The following ZMYM2 variants were observed in gnomAD, a reference collection of about 807,000 sequenced individuals.
ZMYM2 encodes zinc finger MYM-type protein 2.
A neutral mutation model predicts 162.8 loss-of-function variants in ZMYM2; 56 were observed. The ratio of observed to expected loss-of-function variants is 0.34; its 90% CI spans 0.28 to 0.43. ZMYM2 has a LOEUF of 0.43. Among genes scored for constraint, ZMYM2 ranks in the 20% least tolerant of loss-of-function variants. The probability of loss-of-function intolerance (pLI) is 1.00; values close to 1 mark genes in which losing one functional copy is unlikely to be tolerated. For missense variants in ZMYM2, 1,275 were observed against 1,621.8 expected (o/e 0.79, Z 3.67); for synonymous variants, 510 against 541.6 (o/e 0.94, Z 0.81).
chr13:19,965,509 ATAGT>A (rs1955668950), intron 2 of ZMYM2, among the ~76,000 whole-genome samples: 1 of 152,224 alleles, frequency 6.6e-6, no homozygotes, highest in African/African-American at 2.4e-5. Context: ...TATATATTAG[ATAGT>A]CATAAAATAT....
intron 2 of ZMYM2, among the ~76,000 whole-genome samples, chr13:19,992,204 A>G (rs12870271): frequency 0.041 from 6,310 of 152,232 alleles, 189 homozygotes; most frequent in Non-Finnish European, 0.062. Flanking sequence ...AATTTTCAGA[A>G]AGATTTAATT....
the ZMYM2 span, among the ~76,000 whole-genome samples, chr13:19,942,037 A>C: frequency 6.6e-6 from 1 of 151,848 alleles, no homozygotes; most frequent in Non-Finnish European, 1.5e-5. Flanking sequence ...TAGCCCCTGC[A>C]CCTGGCCAAA....
chr13:19,988,929 G>A (rs764764138), intron 2 of ZMYM2, among the ~76,000 whole-genome samples: 5 of 152,100 alleles, frequency 3.3e-5, no homozygotes, highest in Middle Eastern at 3.4e-3. Flanking sequence ...ATCATCTTCC[G>A]CTAAGATGAC....
At chr13:19,872,725 G>A in the ZMYM2 span, among the ~76,000 whole-genome samples, 16,295 of 152,024 alleles carry the variant, frequency 0.11, 1,007 homozygotes, top group Middle Eastern at 0.14. Flanking sequence ...TAGACCAGGC[G>A]CGGTTGCTCA....
At chr13:19,901,576 C>A in the ZMYM2 span, among the ~76,000 whole-genome samples, 1 of 152,100 alleles carries the variant, frequency 6.6e-6, no homozygotes, top group African/African-American at 2.4e-5. Flanking sequence ...CCTCCGCCTC[C>A]CAGGTTCAAG....
chr13:19,924,328 C>T, the ZMYM2 span, among the ~76,000 whole-genome samples: 4 of 152,204 alleles, frequency 2.6e-5, no homozygotes, highest in East Asian at 7.7e-4. Flanking sequence ...ACGTTGGGAG[C>T]TGAAGCAGGT....
chr13:20,026,824 T>C lies in ZMYM2; in HGVS notation c.1735+62T>C. The C allele has an allele frequency of 2.0e-6, 3 of 1,485,650 alleles. No homozygotes were observed. In the South Asian group the frequency reaches 4.0e-5, roughly 20 times the overall value. The allele number at this position is 1,485,650 out of a possible 1,614,324, so 92.0% of individuals were successfully genotyped here. The stretch of plus-strand genomic sequence containing the variant: ...ACAACGTAATTAATTTTTGCATAAA[T>C]ACTCATTTGATGTTTTTATGCTTGT... On this transcript the variant is annotated intron_variant, in intron 8 of 24. Coordinates refer to ENST00000610343, the MANE Select transcript of ZMYM2 (RefSeq NM_197968.4).
intron 6 of ZMYM2, among the ~76,000 whole-genome samples, chr13:20,007,295 C>G (rs1380064733): frequency 6.6e-6 from 1 of 151,678 alleles, no homozygotes; most frequent in Non-Finnish European, 1.5e-5. Flanking sequence ...GCCACCACAC[C>G]CGGCTAATTT....
intron 12 of ZMYM2, among the ~76,000 whole-genome samples, chr13:20,042,377 A>G (rs756966152): frequency 2.0e-5 from 3 of 151,960 alleles, no homozygotes; most frequent in Non-Finnish European, 4.4e-5. Context: ...GCCTTATGAA[A>G]TTCTCGTAGT....
intron 14 of ZMYM2, among the ~76,000 whole-genome samples, chr13:20,056,552 T>C (rs1955811379): frequency 1.3e-5 from 2 of 152,106 alleles, no homozygotes; most frequent in Non-Finnish European, 2.9e-5. Context: ...GAAACCACCA[T>C]GGATAGACTC....
At chr13:19,872,785 G>T in the ZMYM2 span, among the ~76,000 whole-genome samples, 1 of 152,054 alleles carries the variant, frequency 6.6e-6, no homozygotes, top group Non-Finnish European at 1.5e-5. Flanking sequence ...GATCACTTGA[G>T]GCCAGGAGTT....
chr13:20,083,103 C>T lies in ZMYM2; in HGVS notation c.3820+71C>T, dbSNP rs1958014633. 4.2e-6 allele frequency: 6 copies of T among 1,439,614 alleles called. No individual in the cohort carries two copies. In the South Asian group the frequency reaches 6.0e-5, roughly 15 times the overall value. The allele number at this position is 1,439,614 out of a possible 1,614,324, so 89.2% of individuals were successfully genotyped here. A position where few individuals can be genotyped will look rare whatever the true frequency, so the allele number is the denominator to read the frequency against. ...TTGAGACAGAGTTTCACTCTTGTTG[C>T]CCAGGCTGGAGTGCAGTGGTGCAGT... On this transcript the variant is annotated intron_variant, in intron 23 of 24. Transcript: ENST00000610343.
rs71763618 is a variant in ZMYM2 at position 19,979,428 on chromosome 13, C to CT, written c.-10-13617dup. 3.4e-3 allele frequency among the ~76,000 whole-genome samples: 373 copies of CT among 110,832 alleles called. 3 individuals are homozygous for CT. Among genetic ancestry groups the CT allele is most frequent in the African/African-American group, 0.01 (305 of 30,006 alleles). The allele number at this position is 110,832 out of a possible 152,430, so 72.7% of individuals were successfully genotyped here. On this transcript the variant is annotated intron_variant, in intron 2 of 24. Coordinates refer to ENST00000610343, the MANE Select transcript of ZMYM2 (RefSeq NM_197968.4). ...AGCTGTTCACGTGACTTTTTCTGCACTTTTTTTTTTTTTTTTTTGCCCAGT... is the reference window on the plus strand; with the variant it reads ...AGCTGTTCACGTGACTTTTTCTGCACTTTTTTTTTTTTTTTTTTTGCCCAGT...
chr13:20,079,325 A>AAAAAAAT, intron 21 of ZMYM2, among the ~76,000 whole-genome samples: 1 of 139,072 alleles, frequency 7.2e-6, no homozygotes, highest in Non-Finnish European at 1.6e-5. Flanking sequence ...TCAAAAAAAA[A>AAAAAAAT]AAAAAAAAAA....
At chr13:19,925,069 A>C in the ZMYM2 span, among the ~76,000 whole-genome samples, 1 of 151,918 alleles carries the variant, frequency 6.6e-6, no homozygotes, top group African/African-American at 2.4e-5. Context: ...TTTTCAGTAG[A>C]GACAGGGTTT....
intron 17 of ZMYM2, among the ~76,000 whole-genome samples, chr13:20,062,187 A>C (rs770482740): frequency 7.9e-5 from 12 of 152,210 alleles, no homozygotes; most frequent in Non-Finnish European, 1.6e-4. Flanking sequence ...GAGTTGTGAA[A>C]TTAGTGGGTT....
At chr13:20,043,760 C>G (rs1566379347) in intron 12 of ZMYM2, among the ~76,000 whole-genome samples, 1 of 151,974 alleles carries the variant, frequency 6.6e-6, no homozygotes, top group African/African-American at 2.4e-5. Context: ...CACACACACA[C>G]GTGGGTGCTG....
chr13:19,877,038 C>T, the ZMYM2 span, among the ~76,000 whole-genome samples: 27 of 152,028 alleles, frequency 1.8e-4, no homozygotes, highest in African/African-American at 6.3e-4. Context: ...TGGTGAAACC[C>T]CGTCTCTACT....
chr13:19,962,885 G>A (rs1483048790), intron 2 of ZMYM2, among the ~76,000 whole-genome samples: 1 of 141,606 alleles, frequency 7.1e-6, no homozygotes, highest in African/African-American at 2.6e-5. Flanking sequence ...GCAGTGGCGT[G>A]ATGTCTGCTC....
Sources: allele counts gnomAD v4.1 joint callset (sites outside exome capture counted in the v4.1 genomes callset), GRCh38; gene constraint gnomAD v4.1.1; transcripts MANE v1.5; gene names NCBI Gene and HGNC (gene_info 2026-07-23, HGNC 2026-07-21).